Variants in AAK1 observed in about 807,000 individuals in gnomAD.
The protein encoded by AAK1 is AP2-associated protein kinase 1.
In AAK1, 37 loss-of-function variants were observed where a neutral mutation model predicts 116.0. That is an observed-to-expected ratio of 0.32 (90% CI 0.25 to 0.42). AAK1 has a LOEUF of 0.42. AAK1 is among the 10% of genes least tolerant of loss of function. The pLI is 1.00. For missense variants in AAK1, 919 were observed against 1,170.6 expected (o/e 0.79, Z 3.14); for synonymous variants, 458 against 439.9 (o/e 1.04, Z -0.51).
chr2:69,539,123 G>A (rs1330802105), intron 5 of AAK1, among the ~76,000 whole-genome samples: 1 of 152,166 alleles, frequency 6.6e-6, no homozygotes, highest in Non-Finnish European at 1.5e-5. Context: ...ATGAAACTCA[G>A]GCTCGGAGAG....
chr2:69,533,145 G>A (rs1670325706), intron 5 of AAK1, among the ~76,000 whole-genome samples: 1 of 151,962 alleles, frequency 6.6e-6, no homozygotes, highest in East Asian at 1.9e-4. Context: ...GATCACCTTT[G>A]GAAAACAAAG....
At chr2:69,621,785 G>A (rs2105238363) in intron 2 of AAK1, among the ~76,000 whole-genome samples, 3 of 152,280 alleles carry the variant, frequency 2.0e-5, no homozygotes, top group Admixed American at 2.0e-4. Context: ...TGCTCAGTGG[G>A]TGCCACTTCC....
chr2:69,466,523 A>C lies in AAK1; in HGVS notation c.*9346T>G. 1 of 1,215,872 alleles carries C rather than the reference A, an allele frequency of 8.2e-7. No individual in the cohort carries two copies. Among genetic ancestry groups the C allele is most frequent in the South Asian group, 1.4e-5 (1 of 68,994 alleles). 75.3% of individuals were successfully genotyped at this position (1,215,872 alleles called of 1,614,324 possible). A position where few individuals can be genotyped will look rare whatever the true frequency, so the allele number is the denominator to read the frequency against. Reference sequence around the variant, plus strand: ...CTTTAAAGTGCTCTACAGTTATTACAGGACAGGGATTGGACTCCCTCTGGA... The same window carrying C: ...CTTTAAAGTGCTCTACAGTTATTACCGGACAGGGATTGGACTCCCTCTGGA... On this transcript the variant is annotated 3_prime_UTR_variant, in exon 22 of 22. Coordinates refer to ENST00000409085, the MANE Select transcript of AAK1 (RefSeq NM_014911.5).
At chr2:69,488,829 A>G (rs981559011) in intron 17 of AAK1, among the ~76,000 whole-genome samples, 2 of 152,010 alleles carry the variant, frequency 1.3e-5, no homozygotes, top group Non-Finnish European at 2.9e-5. Flanking sequence ...CCTGCTCTAC[A>G]CTAAGTTTGT....
In AAK1 at chr2:69,459,679, A is replaced by G. The variant is rs978517701; in HGVS notation, c.*16190T>C. On this transcript the variant is annotated 3_prime_UTR_variant, in exon 22 of 22. Coordinates refer to ENST00000409085, the MANE Select transcript of AAK1 (RefSeq NM_014911.5). ...ACATGATCATTCAACTGTGCCATTC[A>G]TCATGCACTTATTGACATGCTCAAA... The G allele has an allele frequency of 6.6e-6, 1 of 152,238 alleles. No homozygotes were observed. Among genetic ancestry groups the G allele is most frequent in the Non-Finnish European group, 1.5e-5 (1 of 68,036 alleles). The allele number at this position is 152,238 out of a possible 1,614,324, so 9.4% of individuals were successfully genotyped here. A position where few individuals can be genotyped will look rare whatever the true frequency, so the allele number is the denominator to read the frequency against.
chr2:69,478,276 G>A (rs1674925031), intron 20 of AAK1, among the ~76,000 whole-genome samples: 1 of 152,146 alleles, frequency 6.6e-6, no homozygotes, highest in Non-Finnish European at 1.5e-5. Flanking sequence ...ATCATTATAG[G>A]CAGGCAGTAG....
intron 2 of AAK1, among the ~76,000 whole-genome samples, chr2:69,582,934 G>A (rs1185310313): frequency 6.6e-6 from 1 of 152,148 alleles, no homozygotes; most frequent in Non-Finnish European, 1.5e-5. Context: ...GGTTATATCT[G>A]TTGACTGTGC....
intron 10 of AAK1, among the ~76,000 whole-genome samples, chr2:69,522,771 T>A (rs964009890): frequency 4.0e-5 from 6 of 149,236 alleles, no homozygotes; most frequent in African/African-American, 1.5e-4. Context: ...GCCACTGCAC[T>A]CCACCCTGGG....
At position 69,463,132 on chromosome 2, in the gene AAK1, G is replaced by T. The variant is rs1010691738; in HGVS notation, c.*12737C>A. The stretch of plus-strand genomic sequence containing the variant: ...ATATCACACCTAATCAACCGCAATA[G>T]AATTGGGCATTCAGACTTGATTCTT... On this transcript the variant is annotated 3_prime_UTR_variant, in exon 22 of 22. Coordinates refer to ENST00000409085, the MANE Select transcript of AAK1 (RefSeq NM_014911.5). The T allele has an allele frequency of 2.6e-5, 4 of 152,156 alleles. No homozygotes were observed. The highest frequency in any genetic ancestry group is 9.7e-5 in the African/African-American group (4 of 41,424). The allele number at this position is 152,156 out of a possible 1,614,324, so 9.4% of individuals were successfully genotyped here. A position where few individuals can be genotyped will look rare whatever the true frequency, so the allele number is the denominator to read the frequency against.
At position 69,468,271 on chromosome 2, in the gene AAK1, T is replaced by A; in HGVS notation, c.*7598A>T. On this transcript the variant is annotated 3_prime_UTR_variant, in exon 22 of 22. Transcript: ENST00000409085. ...ATCCTAATTTCTCAGGCAAGTAAAT[T>A]GATATTAGATTTGTCTCAGTGATAC... 1.0e-6 allele frequency: 1 copy of A among 985,332 alleles called. No homozygotes were observed. Among genetic ancestry groups the A allele is most frequent in the Non-Finnish European group, 1.2e-6 (1 of 829,838 alleles). 61.0% of individuals were successfully genotyped at this position (985,332 alleles called of 1,614,324 possible).
intron 15 of AAK1, 100 bp downstream of exon 15, chr2:69,507,321 G>T: frequency 1.4e-6 from 2 of 1,406,400 alleles, no homozygotes; most frequent in Admixed American, 2.3e-5. Flanking sequence ...GTTTCCACAT[G>T]CATACCCTTC....
chr2:69,489,197 TCCCAGC>T, intron 17 of AAK1, among the ~76,000 whole-genome samples: 1 of 151,118 alleles, frequency 6.6e-6, no homozygotes, highest in Non-Finnish European at 1.5e-5. Flanking sequence ...ACCCCTGTAA[TCCCAGC>T]ACTTTGGGAA....
intron 2 of AAK1, among the ~76,000 whole-genome samples, chr2:69,610,218 T>C (rs1383693222): frequency 1.3e-5 from 2 of 152,060 alleles, no homozygotes; most frequent in Non-Finnish European, 2.9e-5. Context: ...TATGGTCAAA[T>C]GATTTTTCAG....
At chr2:69,551,892 C>T (rs1017074767) in intron 3 of AAK1, among the ~76,000 whole-genome samples, 3 of 152,204 alleles carry the variant, frequency 2.0e-5, no homozygotes, top group Admixed American at 6.5e-5. Context: ...TCAGTGAAAC[C>T]GCTAACAGTT....
intron 3 of AAK1, among the ~76,000 whole-genome samples, chr2:69,552,958 G>A (rs113678752): frequency 1.9e-3 from 293 of 152,192 alleles, no homozygotes; most frequent in African/African-American, 6.3e-3. Flanking sequence ...TTGGAATATA[G>A]AGGTGAGGAA....
intron 2 of AAK1, among the ~76,000 whole-genome samples, chr2:69,570,061 A>G (rs1293442992): frequency 6.6e-6 from 1 of 152,152 alleles, no homozygotes; most frequent in Non-Finnish European, 1.5e-5. Context: ...TTCTTATACC[A>G]ACAACGTGAT....
chr2:69,477,150 GA>G (rs1168530230), intron 20 of AAK1, among the ~76,000 whole-genome samples, 160 bp from the exon 21 acceptor site: 1 of 152,006 alleles, frequency 6.6e-6, no homozygotes, highest in Non-Finnish European at 1.5e-5. Context: ...AGCAAAACTG[GA>G]AAATACAGAG....
At chr2:69,536,754 C>T (rs535945863) in intron 5 of AAK1, among the ~76,000 whole-genome samples, 2 of 152,334 alleles carry the variant, frequency 1.3e-5, no homozygotes, top group African/African-American at 4.8e-5. Context: ...CTGACCTCTT[C>T]ATCTCAATAT....
chr2:69,609,519 T>C (rs895695976), intron 2 of AAK1, among the ~76,000 whole-genome samples: 3 of 151,272 alleles, frequency 2.0e-5, no homozygotes, highest in Non-Finnish European at 2.9e-5. Flanking sequence ...CCGTTTCTAC[T>C]AAAAATACAA....
Sources: gnomAD v4.1 joint callset for allele counts (sites outside exome capture counted in the v4.1 genomes callset) on GRCh38, gnomAD v4.1.1 for gene constraint, MANE v1.5 for transcripts, NCBI Gene and HGNC (gene_info 2026-07-23, HGNC 2026-07-21) for gene names.